Variants in BTAF1 observed in about 807,000 individuals in gnomAD.
BTAF1 encodes the protein TATA-binding protein-associated factor 172.
BTAF1 carries 38 observed loss-of-function variants against 227.1 expected under a neutral mutation model. That is an observed-to-expected ratio of 0.17 (90% CI 0.13 to 0.22). BTAF1 has a LOEUF of 0.22. BTAF1 is among the 10% of genes least tolerant of loss of function. BTAF1 has a pLI of 1.00. For synonymous variants in BTAF1, 742 were observed against 751.9 expected (o/e 0.99, Z 0.21); for missense variants, 1,598 against 2,204.0 (o/e 0.73, Z 5.51).
At chr10:91,973,882 C>T (rs1214781509) in intron 14 of BTAF1, among the ~76,000 whole-genome samples, 9 of 124,344 alleles carry the variant, frequency 7.2e-5, no homozygotes, top group Non-Finnish European at 9.5e-5. Flanking sequence ...CCAGCCTGGG[C>T]GACAGAGCGA....
intron 20 of BTAF1, 144 bp from the exon 21 acceptor site, chr10:91,991,975 C>A: frequency 1.7e-6 from 1 of 592,926 alleles, no homozygotes. Context: ...ATTGCCATTT[C>A]ATTGTCTAAG....
Position 92,008,275 on chromosome 10 carries a change from G to A in BTAF1, c.3813G>A (p.Gln1271=), listed in dbSNP as rs1564713589. ...PINAELRKYQ[Q]DGVNWLAFLN... is the part of the protein sequence containing the mutation. ...ATGCTGAACTCAGAAAATATCAGCA[G>A]GTAAGTTTTATACAATAGTGAGTTT... Residue 1271 remains glutamine (Q), a splice_region_variant and synonymous_variant, in exon 26 of 38, where the codon CAG becomes CAA. Coordinates refer to ENST00000265990, the MANE Select transcript of BTAF1 (RefSeq NM_003972.3). 2 of 1,571,544 alleles carry A rather than the reference G, an allele frequency of 1.3e-6. No homozygotes were observed. The highest frequency in any genetic ancestry group is 2.8e-5 in the African/African-American group (2 of 71,592).
chr10:91,997,868 T>A, intron 25 of BTAF1, 117 bp downstream of exon 25: 22 of 1,026,804 alleles, frequency 2.1e-5, no homozygotes, highest in Non-Finnish European at 3.0e-5. Flanking sequence ...CAGCACTTTC[T>A]GAGGCTGAGG....
intron 12 of BTAF1, 66 bp downstream of exon 12, chr10:91,962,744 G>T: frequency 7.2e-7 from 1 of 1,391,760 alleles, no homozygotes; most frequent in South Asian, 1.5e-5. Flanking sequence ...TGGAGTATTA[G>T]AAAATACATT....
In BTAF1 at chr10:91,989,454, A is replaced by G. The variant is rs150005802; in HGVS notation, c.2728A>G (p.Thr910Ala). 1.3e-4 allele frequency: 206 copies of G among 1,614,016 alleles called. No homozygotes were observed. Among genetic ancestry groups the G allele is most frequent in the Middle Eastern group, 1.6e-4 (1 of 6,082 alleles). The part of the protein sequence containing the change: ...CIAKLLQQCT[T>A]RTPCPNSKII... ...AGCTAAACTCCTTCAGCAGTGCACA[A>G]CAAGGACGCCCTGTCCCAATTCAAA... Residue 910 changes from threonine to alanine, a missense_variant, in exon 20 of 38, where the codon ACA becomes GCA. Around this residue, in one of 10 missense-constraint regions of BTAF1, gnomAD observed 425 missense variants for 491.2 expected, o/e 0.87. Coordinates refer to ENST00000265990, the MANE Select transcript of BTAF1 (RefSeq NM_003972.3).
At position 91,989,256 on chromosome 10, in the gene BTAF1, G is replaced by A; in HGVS notation, c.2530G>A (p.Glu844Lys). ...KRQQVQMTVT[E>K]TNQEWQVLQL... Reference sequence around the variant, plus strand: ...ACAGCAGGTCCAAATGACAGTTACAGAGACCAACCAGGAGTGGCAAGTGTT... The same window carrying A: ...ACAGCAGGTCCAAATGACAGTTACAAAGACCAACCAGGAGTGGCAAGTGTT... The change falls in exon 20 of 38, where the codon GAG (glutamate) becomes AAG (lysine). Residue 844 changes from glutamate to lysine, a missense_variant. Physicochemically the swap from Glu to Lys is moderately conservative, Grantham distance 56 (BLOSUM62 1). Transcript: ENST00000265990. 5.6e-6 allele frequency: 9 copies of A among 1,614,152 alleles called. No individual in the cohort carries two copies. Among genetic ancestry groups the A allele is most frequent in the Non-Finnish European group, 7.6e-6 (9 of 1,180,034 alleles).
chr10:91,924,790 C>T (rs1448236664), intron 1 of BTAF1, among the ~76,000 whole-genome samples: 2 of 152,114 alleles, frequency 1.3e-5, no homozygotes, highest in African/African-American at 4.8e-5. Flanking sequence ...ATAGGAGAAA[C>T]ATTACTTTTT....
chr10:91,968,675 C>G (rs1401245236), intron 14 of BTAF1, among the ~76,000 whole-genome samples: 1 of 152,140 alleles, frequency 6.6e-6, no homozygotes, highest in Non-Finnish European at 1.5e-5. Context: ...GTGAGGGTTC[C>G]TATTGCTTTA....
intron 25 of BTAF1, among the ~76,000 whole-genome samples, chr10:92,007,201 AT>A: frequency 1.1e-5 from 1 of 92,894 alleles, no homozygotes; most frequent in East Asian, 3.1e-4. Flanking sequence ...CTATCAAGGT[AT>A]TTTTTGTCTT....
intron 14 of BTAF1, among the ~76,000 whole-genome samples, chr10:91,977,734 T>C (rs934374852): frequency 1.3e-5 from 2 of 152,198 alleles, no homozygotes; most frequent in African/African-American, 4.8e-5. Context: ...TTTGTTGTTG[T>C]CAGTGTTCTG....
intron 14 of BTAF1, among the ~76,000 whole-genome samples, chr10:91,971,721 C>G (rs1419359130): frequency 6.6e-6 from 1 of 152,124 alleles, no homozygotes; most frequent in Non-Finnish European, 1.5e-5. Context: ...ATCCACCTGC[C>G]TCGGCCTCCC....
intron 34 of BTAF1, 61 bp from the exon 35 acceptor site, chr10:92,024,695 T>G: frequency 1.1e-4 from 152 of 1,353,470 alleles, no homozygotes; most frequent in Non-Finnish European, 1.4e-4. Flanking sequence ...AATGTCACAG[T>G]GAGATTAGTT....
chr10:92,026,106 AGCT>A (rs1851496983), intron 35 of BTAF1, among the ~76,000 whole-genome samples: 1 of 152,184 alleles, frequency 6.6e-6, no homozygotes, highest in Non-Finnish European at 1.5e-5. Context: ...GTAGCTTGGT[AGCT>A]GCTATTTTTA....
intron 32 of BTAF1, among the ~76,000 whole-genome samples, 197 bp from the exon 33 acceptor site, chr10:92,016,143 A>G: frequency 6.6e-6 from 1 of 152,174 alleles, no homozygotes; most frequent in East Asian, 1.9e-4. Flanking sequence ...CTTGTTTTCT[A>G]AATGTAATTT....
intron 1 of BTAF1, among the ~76,000 whole-genome samples, chr10:91,926,752 C>T (rs1311716716): frequency 6.6e-6 from 1 of 152,222 alleles, no homozygotes; most frequent in Admixed American, 6.5e-5. Context: ...TAGTACAAGA[C>T]AGGAGCCTCT....
rs1851776540 is a variant in BTAF1 at position 92,029,821 on chromosome 10, A to C, written c.*888A>C. On this transcript the variant is annotated 3_prime_UTR_variant, in exon 38 of 38. Coordinates refer to ENST00000265990, the MANE Select transcript of BTAF1 (RefSeq NM_003972.3). ...GGCTGAAGCATAAAAGGGAGAGAGA[A>C]TTTCTTTATATACACAAACATACAT... 3 of 152,448 alleles carry C rather than the reference A, an allele frequency of 2.0e-5. No individual in the cohort carries two copies. In the South Asian group the frequency reaches 6.2e-4, roughly 32 times the overall value. The allele number at this position is 152,448 out of a possible 1,614,324, so 9.4% of individuals were successfully genotyped here.
chr10:92,024,741 T>TTTTTTTTTG lies in BTAF1; in HGVS notation c.4864-10_4864-9insTTTGTTTTT. On this transcript the variant is annotated splice_polypyrimidine_tract_variant and intron_variant, in intron 34 of 37. Transcript: ENST00000265990. ...ATTGAACGCTTATGTAGTTTTTTTTTTTTTTCTTCCTAAGTTGCTGTTGGA... is the reference window on the plus strand; with the variant it reads ...ATTGAACGCTTATGTAGTTTTTTTTTTTTTTTTTGTTTTTCTTCCTAAGTTGCTGTTGGA... The TTTTTTTTTG allele has an allele frequency of 1.3e-6, 2 of 1,575,698 alleles. No individual in the cohort carries two copies. Among genetic ancestry groups the TTTTTTTTTG allele is most frequent in the Non-Finnish European group, 1.7e-6 (2 of 1,168,988 alleles).
At chr10:92,010,463 G>A (rs1321492540) in intron 28 of BTAF1, among the ~76,000 whole-genome samples, 1 of 152,180 alleles carries the variant, frequency 6.6e-6, no homozygotes, top group African/African-American at 2.4e-5. Flanking sequence ...GGCCCATCTA[G>A]ATTACTCTCA....
At chr10:92,020,094 A>G (rs761751930) in intron 34 of BTAF1, among the ~76,000 whole-genome samples, 14 of 137,376 alleles carry the variant, frequency 1.0e-4, no homozygotes, top group South Asian at 2.9e-4. Context: ...CTCCCATTCT[A>G]TAGGTTATCT....
Sources: allele counts gnomAD v4.1 joint callset (sites outside exome capture counted in the v4.1 genomes callset), GRCh38; gene constraint gnomAD v4.1.1; regional missense constraint gnomAD v4.1.1; transcripts MANE v1.5; gene names NCBI Gene and HGNC (gene_info 2026-07-23, HGNC 2026-07-21).